DAND5: variants seen among roughly 807,000 people sequenced by gnomAD.
DAND5 encodes DAN domain family member 5.
In DAND5, 8 loss-of-function variants were observed where a neutral mutation model predicts 9.2. The observed-to-expected ratio is 0.87, with a 90% CI of 0.51 to 1.56. DAND5 has a LOEUF of 1.56. Ranked by LOEUF, DAND5 falls within the 40% of genes most tolerant of loss-of-function variation. The pLI is 0.00. For missense variants in DAND5, 244 were observed against 244.7 expected, an observed-to-expected ratio of 1.00 and a Z score of 0.02; for synonymous variants, 95 against 101.1, an observed-to-expected ratio of 0.94 and a Z score of 0.36.
At chr19:12,970,519 A>G in intron 1 of DAND5, 1 of 695,510 alleles carries the variant, frequency 1.4e-6, no homozygotes, top group Non-Finnish European at 2.6e-6. Flanking sequence ...CTCCCACCTC[A>G]GCCTCCTGAG....
Position 12,973,516 on chromosome 19 carries a change from C to T in DAND5, c.452C>T (p.Ala151Val). The change falls in exon 2 of 2, where the codon GCT becomes GTT. Residue 151 changes from alanine to valine, a missense_variant. By Grantham distance (64) the Ala-to-Val change is moderately conservative. Transcript: ENST00000317060. ...GTCCTGTGCAACAGCTGTATGCCTG[C>T]TCGCAAGCGTTGGGCACCCGTGGTC... ...PLVLCNSCMP[A>V]RKRWAPVVLW... The T allele has an allele frequency of 6.2e-7, 1 of 1,614,188 alleles. No individual in the cohort carries two copies. The highest frequency in any genetic ancestry group is 8.5e-7 in the Non-Finnish European group (1 of 1,180,044).
At position 12,973,508 on chromosome 19, in the gene DAND5, T is replaced by C. The variant is rs932000690; in HGVS notation, c.444T>C (p.Cys148=). The C allele has an allele frequency of 1.5e-5, 24 of 1,614,090 alleles. No homozygotes were observed. The highest frequency in any genetic ancestry group is 2.2e-5 in the East Asian group (1 of 44,902). ...DPTPLVLCNS[C]MPARKRWAPV... is the part of the protein sequence containing the mutation. The stretch of plus-strand genomic sequence containing the variant: ...CCCCACTAGTCCTGTGCAACAGCTG[T>C]ATGCCTGCTCGCAAGCGTTGGGCAC... The change falls in exon 2 of 2, where the codon TGT becomes TGC. Residue 148 remains cysteine (C), a synonymous_variant. Coordinates refer to ENST00000317060, the MANE Select transcript of DAND5 (RefSeq NM_152654.3).
Position 12,973,792 on chromosome 19 carries a change from A to G in DAND5, c.*158A>G. 1 of 1,042,184 alleles carries G rather than the reference A, an allele frequency of 9.6e-7. No homozygotes were observed. 64.6% of individuals were successfully genotyped at this position (1,042,184 alleles called of 1,614,324 possible). A position where few individuals can be genotyped will look rare whatever the true frequency, so the allele number is the denominator to read the frequency against. On this transcript the variant is annotated 3_prime_UTR_variant, in exon 2 of 2. Coordinates refer to ENST00000317060, the MANE Select transcript of DAND5 (RefSeq NM_152654.3). ...CCCCAGAGTCCTCACCCTGCTCCCC[A>G]GACAGTAGACACAGTGCCCGTCCTG...
Position 12,969,610 on chromosome 19 carries a change from T to C in DAND5, c.-51T>C, listed in dbSNP as rs1336435819. The C allele has an allele frequency of 1.3e-6, 2 of 1,540,034 alleles. No individual in the cohort carries two copies. The highest frequency in any genetic ancestry group is 1.7e-6 in the Non-Finnish European group (2 of 1,147,282). On this transcript the variant is annotated 5_prime_UTR_variant, in exon 1 of 2. Transcript: ENST00000317060. ...ACAGCAGGGTCGACTGCTAGTGACC[T>C]TGAGCCCAGTCCGGACAGACAGACA... is the stretch of plus-strand genomic sequence containing the variant.
chr19:12,970,059 G>T, intron 1 of DAND5, 75 bp downstream of exon 1: 1 of 1,560,376 alleles, frequency 6.4e-7, no homozygotes, highest in Admixed American at 1.9e-5. Context: ...GCCCAAGAAA[G>T]ATTTGGGTTC....
chr19:12,971,995 A>G (rs2011147586), intron 1 of DAND5, among the ~76,000 whole-genome samples: 1 of 151,964 alleles, frequency 6.6e-6, no homozygotes, highest in South Asian at 2.1e-4. Context: ...GGATCAAGCA[A>G]TCCTCCTGCC....
chr19:12,973,154 G>T (rs529946306), intron 1 of DAND5, among the ~76,000 whole-genome samples: 1 of 152,174 alleles, frequency 6.6e-6, no homozygotes, highest in African/African-American at 2.4e-5. Flanking sequence ...GAGCCACCGC[G>T]CCCGGCCCTT....
At position 12,973,846 on chromosome 19, in the gene DAND5, C is replaced by A; in HGVS notation, c.*212C>A. The A allele has an allele frequency of 3.7e-5, 21 of 563,228 alleles. No individual in the cohort carries two copies. Among genetic ancestry groups the A allele is most frequent in the Non-Finnish European group, 5.1e-5 (17 of 332,418 alleles). 34.9% of individuals were successfully genotyped at this position (563,228 alleles called of 1,614,324 possible). On this transcript the variant is annotated 3_prime_UTR_variant, in exon 2 of 2. Transcript: ENST00000317060. ...TTGCACCACTGATAGTCACAGCACA[C>A]AATGATTGACAACTCACTTTTTTTT...
rs2011161409 is a variant in DAND5, at chr19:12,974,096, T to A, written c.*462T>A. 6.3e-6 allele frequency: 1 copy of A among 159,644 alleles called. No homozygotes were observed. Among genetic ancestry groups the A allele is most frequent in the Non-Finnish European group, 1.4e-5 (1 of 73,150 alleles). The allele number at this position is 159,644 out of a possible 1,614,324, so 9.9% of individuals were successfully genotyped here. A position where few individuals can be genotyped will look rare whatever the true frequency, so the allele number is the denominator to read the frequency against. ...CCAGGATGGTCTCTATCTCCTGACC[T>A]CGTGATCTGCCTGCCTTGGCCTTAT... On this transcript the variant is annotated 3_prime_UTR_variant, in exon 2 of 2. Transcript: ENST00000317060.
At chr19:12,971,597 G>A (rs1184626346) in intron 1 of DAND5, among the ~76,000 whole-genome samples, 3 of 150,402 alleles carry the variant, frequency 2.0e-5, no homozygotes, top group Non-Finnish European at 4.4e-5. Context: ...TTCTTTTCAG[G>A]TTTTTGTTTT....
In DAND5 at chr19:12,969,675, G is replaced by GCTATCCA. The variant is rs2011136574; in HGVS notation, c.18_24dup (p.Leu9IlefsTer8). On this transcript the variant is annotated frameshift_variant, in exon 1 of 2. Transcript: ENST00000317060. LOFTEE classifies it high-confidence loss of function. ...CGGACAAGCAGATGCTCCTTGGCCA[G>GCTATCCA]CTATCCACTCTTCTGTGCCTGCTTA... 6.2e-7 allele frequency: 1 copy of GCTATCCA among 1,604,976 alleles called. No homozygotes were observed. Among genetic ancestry groups the GCTATCCA allele is most frequent in the African/African-American group, 1.3e-5 (1 of 74,628 alleles).
intron 1 of DAND5, chr19:12,970,580 C>CT: frequency 2.1e-6 from 1 of 480,754 alleles, no homozygotes; most frequent in Non-Finnish European, 3.7e-6. Context: ...TCTTTCTTTT[C>CT]TTTCTTTCTT....
chr19:12,969,912 G>A lies in DAND5; in HGVS notation c.252G>A (p.Val84=), dbSNP rs1010734332. The A allele has an allele frequency of 6.2e-7, 1 of 1,614,082 alleles. No homozygotes were observed. Among genetic ancestry groups the A allele is most frequent in the African/African-American group, 1.3e-5 (1 of 74,946 alleles). Reference sequence around the variant, plus strand: ...GGCTGCAGCGTGGGCAAGACGAGGTGGCTGCTGTGACTCTGCCGCTGAACC... The same window carrying A: ...GGCTGCAGCGTGGGCAAGACGAGGTAGCTGCTGTGACTCTGCCGCTGAACC... ...MGRLQRGQDE[V]AAVTLPLNPQ... The change falls in exon 1 of 2, where the codon GTG becomes GTA. Residue 84 remains valine, a synonymous_variant. Coordinates refer to ENST00000317060, the MANE Select transcript of DAND5 (RefSeq NM_152654.3).
At chr19:12,970,043 G>C in intron 1 of DAND5, 59 bp downstream of exon 1, 1 of 1,589,684 alleles carries the variant, frequency 6.3e-7, no homozygotes, top group Non-Finnish European at 8.6e-7. Flanking sequence ...GAAGGCACAG[G>C]CTGTGGCCCA....
At chr19:12,971,728 C>T (rs1254728451) in intron 1 of DAND5, among the ~76,000 whole-genome samples, 6 of 151,412 alleles carry the variant, frequency 4.0e-5, no homozygotes, top group African/African-American at 1.5e-4. Flanking sequence ...GTAGCTGGGA[C>T]CACGGGCGCC....
Position 12,973,631 on chromosome 19 carries a change from A to G in DAND5, c.567A>G (p.Ala189=). 2 of 1,613,776 alleles carry G rather than the reference A, an allele frequency of 1.2e-6. No individual in the cohort carries two copies. Among genetic ancestry groups the G allele is most frequent in the Non-Finnish European group, 1.7e-6 (2 of 1,179,822 alleles). Residue 189 remains alanine (A), a synonymous_variant, in exon 2 of 2, where the codon GCA becomes GCG. Coordinates refer to ENST00000317060, the MANE Select transcript of DAND5 (RefSeq NM_152654.3). The stretch of plus-strand genomic sequence containing the variant: ...AGGGGTGTCACTGCAGCCCAAAAGC[A>G]TGAACTGAGCATCGTGGATGGGTGC... ...LIEGCHCSPK[A]
chr19:12,973,095 C>T (rs990600485), intron 1 of DAND5, among the ~76,000 whole-genome samples: 6 of 151,396 alleles, frequency 4.0e-5, no homozygotes, highest in African/African-American at 9.7e-5. Context: ...ATCTGCTGAC[C>T]TCGTGATCCG....
intron 1 of DAND5, among the ~76,000 whole-genome samples, chr19:12,973,133 A>G (rs936478626): frequency 6.6e-6 from 1 of 152,124 alleles, no homozygotes; most frequent in Non-Finnish European, 1.5e-5. Context: ...AAGTGCTGGG[A>G]TTACAGGCGT....
At chr19:12,972,205 C>T (rs1244445366) in intron 1 of DAND5, among the ~76,000 whole-genome samples, 1 of 151,684 alleles carries the variant, frequency 6.6e-6, no homozygotes, top group Admixed American at 6.6e-5. Flanking sequence ...ACCACAGGCG[C>T]CCACCACCAC....
Sources: gnomAD v4.1 joint callset for allele counts (sites outside exome capture counted in the v4.1 genomes callset) on GRCh38, gnomAD v4.1.1 for gene constraint, MANE v1.5 for transcripts, NCBI Gene and HGNC (gene_info 2026-07-23, HGNC 2026-07-21) for gene names.